STAB2: variants seen among roughly 807,000 people sequenced by gnomAD.
The protein encoded by STAB2 is stabilin-2.
In STAB2, 288 loss-of-function variants were observed where a neutral mutation model predicts 338.1. The observed-to-expected ratio is 0.85, with a 90% CI of 0.77 to 0.94. STAB2 has a LOEUF of 0.94. Among genes scored for constraint, STAB2 ranks in the 40% least tolerant of loss-of-function variants. STAB2 has a pLI of 0.00. For synonymous variants in STAB2, 1,202 were observed against 1,193.3 expected, an observed-to-expected ratio of 1.01 and a Z score of -0.15; for missense variants, 3,141 against 3,210.1, an observed-to-expected ratio of 0.98 and a Z score of 0.52.
At chr12:103,762,428 T>G (rs573029406) in intron 67 of STAB2, 26 bp downstream of exon 67, 2 of 1,614,128 alleles carry the variant, frequency 1.2e-6, no homozygotes, top group Non-Finnish European at 1.7e-6. Flanking sequence ...GGGAACATGA[T>G]GATGGGGTCC....
At chr12:103,759,845 A>C (rs2139234895) in intron 65 of STAB2, among the ~76,000 whole-genome samples, 1 of 152,354 alleles carries the variant, frequency 6.6e-6, no homozygotes, top group East Asian at 1.9e-4. Flanking sequence ...CATTTTATTT[A>C]ATCTTTTATG....
At chr12:103,751,260 T>C (rs1883622747) in intron 60 of STAB2, among the ~76,000 whole-genome samples, 2 of 152,124 alleles carry the variant, frequency 1.3e-5, no homozygotes, top group African/African-American at 4.8e-5. Context: ...TAGCAAGCCA[T>C]TTCTGCTGGC....
Position 103,699,247 on chromosome 12 carries a change from A to G in STAB2, c.3714+20A>G. ...GACCAGGTACGATCCTTTTATGTAA[A>G]ACCCCAGCAATGCCACCGAGAATTA... On this transcript the variant is annotated intron_variant, in intron 34 of 68. Transcript: ENST00000388887. 1 of 1,594,502 alleles carries G rather than the reference A, an allele frequency of 6.3e-7. No individual in the cohort carries two copies.
intron 46 of STAB2, among the ~76,000 whole-genome samples, chr12:103,726,502 A>G (rs934680401): frequency 6.6e-6 from 1 of 152,116 alleles, no homozygotes; most frequent in African/African-American, 2.4e-5. Context: ...AAAATAAATA[A>G]AGAGTTCAGC....
chr12:103,633,967 G>A (rs1000356937), intron 6 of STAB2, among the ~76,000 whole-genome samples: 6 of 152,054 alleles, frequency 3.9e-5, no homozygotes, highest in East Asian at 1.9e-4. Context: ...AATTTACCCC[G>A]GGAGAGGAGA....
chr12:103,744,384 T>G (rs1417317266), intron 56 of STAB2, among the ~76,000 whole-genome samples: 1 of 151,680 alleles, frequency 6.6e-6, no homozygotes, highest in Non-Finnish European at 1.5e-5. Context: ...ACTCCTGGCC[T>G]CAAGCAATCC....
rs758632850 is a variant in STAB2, at chr12:103,673,899, T to C, written c.2372-8T>C. On this transcript the variant is annotated splice_polypyrimidine_tract_variant and splice_region_variant and intron_variant, in intron 22 of 68. Transcript: ENST00000388887. Reference sequence around the variant, plus strand: ...CCTGGACGGATGTCCCTCCTCCTCCTCTTTCAGAATGCCTGTGCGTTCACG... The same window carrying C: ...CCTGGACGGATGTCCCTCCTCCTCCCCTTTCAGAATGCCTGTGCGTTCACG... 3.1e-6 allele frequency: 5 copies of C among 1,607,182 alleles called. No individual in the cohort carries two copies.
intron 23 of STAB2, among the ~76,000 whole-genome samples, chr12:103,675,613 A>G (rs1228347896): frequency 6.6e-6 from 1 of 152,250 alleles, no homozygotes; most frequent in Non-Finnish European, 1.5e-5. Flanking sequence ...CTCAGTGTGC[A>G]TTTGCTCATT....
At chr12:103,725,366 T>C (rs1881100912) in intron 45 of STAB2, among the ~76,000 whole-genome samples, 1 of 152,254 alleles carries the variant, frequency 6.6e-6, no homozygotes, top group African/African-American at 2.4e-5. Flanking sequence ...TGGTTGGTAA[T>C]GTGACTTTGA....
chr12:103,631,351 C>T (rs1565972913), intron 5 of STAB2, among the ~76,000 whole-genome samples: 1 of 151,732 alleles, frequency 6.6e-6, no homozygotes, highest in Non-Finnish European at 1.5e-5. Flanking sequence ...CTCCAATGCA[C>T]ATGATATGCC....
At chr12:103,613,269 T>C (rs1436558667) in intron 3 of STAB2, among the ~76,000 whole-genome samples, 1 of 152,242 alleles carries the variant, frequency 6.6e-6, no homozygotes, top group Non-Finnish European at 1.5e-5. Context: ...TGTTTGGCTA[T>C]GCCCTGCCCA....
intron 34 of STAB2, among the ~76,000 whole-genome samples, chr12:103,702,272 A>AT (rs1199943362): frequency 1.3e-4 from 19 of 149,880 alleles, no homozygotes; most frequent in Admixed American, 3.4e-4. Context: ...TAAATATACC[A>AT]TTTTTTAAAA....
Position 103,631,637 on chromosome 12 carries a change from A to C in STAB2, c.527A>C (p.Asp176Ala), listed in dbSNP as rs748628220. 2.5e-6 allele frequency: 4 copies of C among 1,614,164 alleles called. No individual in the cohort carries two copies. In the South Asian group the frequency reaches 4.4e-5, roughly 18 times the overall value. ...CATGGGGTGTGCAACAGTGGACTAG[A>C]TGGCGATGGAACCTGTGAGTGCTAC... Reference protein sequence around the residue: ...CVHGVCNSGLDGDGTCECYSA... With the variant: ...CVHGVCNSGLAGDGTCECYSA... Residue 176 changes from aspartate to alanine, a missense_variant, in exon 6 of 69, where the codon GAT (aspartate) becomes GCT (alanine). Transcript: ENST00000388887.
chr12:103,766,602 G>T lies in STAB2; in HGVS notation c.*266G>T. ...CTGCTCCATTCTGCCCTACATGATG[G>T]GTAACTGTGATCTTTCTTCCCTGTT... On this transcript the variant is annotated 3_prime_UTR_variant, in exon 69 of 69. Transcript: ENST00000388887. 2 of 425,476 alleles carry T rather than the reference G, an allele frequency of 4.7e-6. No homozygotes were observed. The highest frequency in any genetic ancestry group is 3.0e-5 in the South Asian group (1 of 32,838). The allele number at this position is 425,476 out of a possible 1,614,324, so 26.4% of individuals were successfully genotyped here.
rs1234031894 is a variant in STAB2, at chr12:103,637,151, C to T, written c.624C>T (p.Ser208=). ...ECAALLCPEN[S]RCSPSTEDEN... is the part of the protein sequence containing the mutation. ...CAGCCTTGCTCTGCCCAGAAAATTC[C>T]AGATGTTCGCCTTCCACTGAAGATG... Residue 208 remains serine, a synonymous_variant, in exon 7 of 69, where the codon TCC becomes TCT. Transcript: ENST00000388887. 12 of 1,612,886 alleles carry T rather than the reference C, an allele frequency of 7.4e-6. No individual in the cohort carries two copies. The highest frequency in any genetic ancestry group is 1.0e-5 in the Non-Finnish European group (12 of 1,179,692).
intron 6 of STAB2, 107 bp downstream of exon 6, chr12:103,631,800 C>CA (rs951913283): frequency 3.5e-5 from 35 of 995,314 alleles, no homozygotes; most frequent in Non-Finnish European, 4.9e-5. Flanking sequence ...AAGGTACTAC[C>CA]AAAAGTTTTC....
At chr12:103,621,963 C>T (rs1385333010) in intron 4 of STAB2, 79 bp from the exon 5 acceptor site, 1 of 1,359,490 alleles carries the variant, frequency 7.4e-7, no homozygotes, top group Non-Finnish European at 1.0e-6. Flanking sequence ...AAAACAAATG[C>T]TGAGTTGGAA....
rs1873830749 is a variant in STAB2 at position 103,652,663 on chromosome 12, C to T, written c.1365C>T (p.Tyr455=). The change falls in exon 12 of 69, where the codon TAC becomes TAT. Residue 455 remains tyrosine (Y), a synonymous_variant. Transcript: ENST00000388887. ...IEYMNNTDMF[Y]TLTGKSGEIF... ...ATATGAATAACACAGACATGTTCTA[C>T]ACCTTGACTGGAAAGTCGGGGGAAA... 1 of 1,603,946 alleles carries T rather than the reference C, an allele frequency of 6.2e-7. No homozygotes were observed. Among genetic ancestry groups the T allele is most frequent in the African/African-American group, 1.3e-5 (1 of 74,692 alleles).
At chr12:103,679,886 T>C (rs1300237771) in intron 25 of STAB2, among the ~76,000 whole-genome samples, 1 of 152,182 alleles carries the variant, frequency 6.6e-6, no homozygotes, top group East Asian at 1.9e-4. Context: ...CAATGGCCAT[T>C]GGCAGATTAA....
Sources: allele counts gnomAD v4.1 joint callset (sites outside exome capture counted in the v4.1 genomes callset), GRCh38; gene constraint gnomAD v4.1.1; transcripts MANE v1.5; gene names NCBI Gene and HGNC (gene_info 2026-07-23, HGNC 2026-07-21).